Variants in NALF1 observed in about 807,000 individuals in gnomAD.
NALF1 encodes the protein NALCN channel auxiliary factor 1.
A neutral mutation model predicts 48.4 loss-of-function variants in NALF1; 3 were observed. That is an observed-to-expected ratio of 0.06 (90% confidence interval 0.03 to 0.16). The LOEUF is 0.16. NALF1 is among the 10% of genes least tolerant of loss of function. NALF1 has a pLI of 1.00. For synonymous variants in NALF1, 262 were observed against 245.7 expected, an observed-to-expected ratio of 1.07 and a Z score of -0.62; for missense variants, 526 against 571.5, an observed-to-expected ratio of 0.92 and a Z score of 0.81.
chr13:107,753,583 A>C (rs1877002264), intron 1 of NALF1, among the ~76,000 whole-genome samples: 1 of 152,054 alleles, frequency 6.6e-6, no homozygotes, highest in Non-Finnish European at 1.5e-5. Context: ...TTCTTAAAGC[A>C]CATAAAACTC....
intron 1 of NALF1, among the ~76,000 whole-genome samples, chr13:107,723,267 T>C (rs1876041788): frequency 6.6e-6 from 1 of 152,194 alleles, no homozygotes; most frequent in Admixed American, 6.5e-5. Flanking sequence ...AATTTCTAGA[T>C]GTGTTGGTGT....
intron 1 of NALF1, among the ~76,000 whole-genome samples, chr13:107,816,732 T>C (rs930732222): frequency 2.0e-5 from 3 of 152,144 alleles, no homozygotes; most frequent in African/African-American, 7.2e-5. Flanking sequence ...TGCTGAACTA[T>C]TGCGTATTGC....
At chr13:107,784,751 T>G (rs764617260) in intron 1 of NALF1, among the ~76,000 whole-genome samples, 1 of 151,878 alleles carries the variant, frequency 6.6e-6, no homozygotes, top group African/African-American at 2.4e-5. Flanking sequence ...AAAAAAAAAG[T>G]AGATGTTGGC....
At chr13:107,230,732 C>T (rs963081813) in intron 1 of NALF1, among the ~76,000 whole-genome samples, 10 of 151,942 alleles carry the variant, frequency 6.6e-5, no homozygotes, top group African/African-American at 1.9e-4. Context: ...AGAGATAACA[C>T]GAACGACTGG....
At position 107,343,094 on chromosome 13, in the gene NALF1, G is replaced by C. The variant is rs533665359; in HGVS notation, c.916-132339C>G. 1.1e-4 allele frequency among the ~76,000 whole-genome samples: 16 copies of C among 152,296 alleles called. No homozygotes were observed. In the South Asian group the frequency reaches 3.3e-3, roughly 32 times the overall value. On this transcript the variant is annotated intron_variant, in intron 1 of 2. Transcript: ENST00000375915. The stretch of plus-strand genomic sequence containing the variant: ...AATACACATTTTTCTTAAGTTCACA[G>C]AGAATGTCTCCCAGGATAGATCACA...
intron 1 of NALF1, among the ~76,000 whole-genome samples, chr13:107,657,248 A>C (rs1054120455): frequency 1.3e-5 from 2 of 152,274 alleles, no homozygotes; most frequent in East Asian, 1.9e-4. Flanking sequence ...CCATGTATCC[A>C]GTTTACTTCT....
At chr13:107,636,216 A>G (rs893318285) in intron 1 of NALF1, among the ~76,000 whole-genome samples, 1 of 152,134 alleles carries the variant, frequency 6.6e-6, no homozygotes, top group African/African-American at 2.4e-5. Flanking sequence ...TCACTACATC[A>G]CACGGCCGAA....
intron 1 of NALF1, among the ~76,000 whole-genome samples, chr13:107,495,906 T>C (rs1875319302): frequency 6.6e-6 from 1 of 152,156 alleles, no homozygotes; most frequent in Admixed American, 6.6e-5. Flanking sequence ...CAAAAGTGTC[T>C]GATGACCTTT....
At chr13:107,593,481 GAAGA>G (rs560039643) in intron 1 of NALF1, among the ~76,000 whole-genome samples, 105 of 151,890 alleles carry the variant, frequency 6.9e-4, no homozygotes, top group Non-Finnish European at 1.3e-3. Flanking sequence ...TAATTTCCCA[GAAGA>G]AATAAGCAAG....
At chr13:107,514,202 C>T (rs971687466) in intron 1 of NALF1, among the ~76,000 whole-genome samples, 14 of 152,128 alleles carry the variant, frequency 9.2e-5, no homozygotes, top group Admixed American at 2.6e-4. Context: ...GTGAAATGTA[C>T]GTGTTAATAA....
intron 1 of NALF1, among the ~76,000 whole-genome samples, chr13:107,790,662 C>T (rs796304762): frequency 1.8e-4 from 27 of 152,258 alleles, no homozygotes; most frequent in African/African-American, 6.3e-4. Context: ...ATTCTGCATA[C>T]ATTTATGCGA....
intron 1 of NALF1, among the ~76,000 whole-genome samples, chr13:107,284,048 GA>G (rs1881442257): frequency 6.6e-6 from 1 of 152,084 alleles, no homozygotes; most frequent in African/African-American, 2.4e-5. Context: ...AACATTAAAA[GA>G]CAAATGAAAA....
chr13:107,688,402 C>T (rs1381434633), intron 1 of NALF1, among the ~76,000 whole-genome samples: 9 of 152,138 alleles, frequency 5.9e-5, no homozygotes, highest in Non-Finnish European at 1.0e-4. Context: ...ACAAGCTTAA[C>T]GTTACTAAAT....
At chr13:107,446,513 T>A (rs989963776) in intron 1 of NALF1, among the ~76,000 whole-genome samples, 1 of 152,202 alleles carries the variant, frequency 6.6e-6, no homozygotes, top group Admixed American at 6.5e-5. Flanking sequence ...CTATGTATCA[T>A]CTTTTTATCC....
At chr13:107,174,957 C>T (rs1201367611) in intron 2 of NALF1, among the ~76,000 whole-genome samples, 1 of 150,548 alleles carries the variant, frequency 6.6e-6, no homozygotes, top group Non-Finnish European at 1.5e-5. Context: ...GATCTCGGCT[C>T]ACTGCAAGCT....
Position 107,784,529 on chromosome 13 carries a change from T to C in NALF1, c.915+81153A>G, listed in dbSNP as rs112087224. 5.8e-4 allele frequency among the ~76,000 whole-genome samples: 89 copies of C among 152,236 alleles called. 1 individual carries two copies. The highest frequency in any genetic ancestry group is 2.0e-3 in the African/African-American group (84 of 41,554). On this transcript the variant is annotated intron_variant, in intron 1 of 2. Transcript: ENST00000375915. ...ATTTAAAGTCAAATTAAAAAGAGGT[T>C]GCTCCAGTAGGAAAAAAACAAACAA...
rs373327088 is a variant in NALF1 at position 107,637,440 on chromosome 13, C to G, written c.915+228242G>C. ...AGGTACTTCCTTCCAAAAAGAAAAG[C>G]CTTCTCTGTGTTATATTCTAACCCC... is the stretch of plus-strand genomic sequence containing the variant. On this transcript the variant is annotated intron_variant, in intron 1 of 2. Coordinates refer to ENST00000375915, the MANE Select transcript of NALF1 (RefSeq NM_001080396.3). Among the ~76,000 whole-genome samples the G allele has an allele frequency of 9.9e-5, 15 of 152,176 alleles. No homozygotes were observed. The East Asian group carries it at 1.2e-3, about 12-fold the overall frequency.
intron 2 of NALF1, among the ~76,000 whole-genome samples, chr13:107,193,756 T>C (rs1879329232): frequency 6.6e-6 from 1 of 152,140 alleles, no homozygotes; most frequent in Admixed American, 6.5e-5. Flanking sequence ...TGAAAATTAA[T>C]GGAAATGAGG....
intron 2 of NALF1, among the ~76,000 whole-genome samples, chr13:107,198,007 A>C (rs1879429563): frequency 6.6e-6 from 1 of 152,220 alleles, no homozygotes; most frequent in South Asian, 2.1e-4. Flanking sequence ...ATGAACCCAT[A>C]AAATAAGGCT....
Sources: allele counts gnomAD v4.1 joint callset (sites outside exome capture counted in the v4.1 genomes callset), GRCh38; gene constraint gnomAD v4.1.1; transcripts MANE v1.5; gene names NCBI Gene and HGNC (gene_info 2026-07-23, HGNC 2026-07-21).